Variants in AVEN observed in about 807,000 individuals in gnomAD.
AVEN encodes cell death regulator Aven.
Under a neutral mutation model 38.1 loss-of-function variants are expected in AVEN, and 41 were observed. That is an observed-to-expected ratio of 1.08 (90% CI 0.84 to 1.40). AVEN has a LOEUF of 1.40. Among genes scored for constraint, AVEN ranks in the 40% most tolerant of loss-of-function variants. The pLI is 0.00. For synonymous variants in AVEN, 206 were observed against 171.8 expected, an observed-to-expected ratio of 1.20 and a Z score of -1.56; for missense variants, 605 against 438.8, an observed-to-expected ratio of 1.38 and a Z score of -3.38.
At chr15:33,890,960 T>G (rs898189874) in intron 2 of AVEN, among the ~76,000 whole-genome samples, 1 of 152,048 alleles carries the variant, frequency 6.6e-6, no homozygotes, top group Non-Finnish European at 1.5e-5. Context: ...ATTTAAAGAA[T>G]TAGCGGAGCG....
chr15:33,954,023 T>C (rs1894855555), intron 2 of AVEN, among the ~76,000 whole-genome samples: 1 of 152,176 alleles, frequency 6.6e-6, no homozygotes, highest in South Asian at 2.1e-4. Flanking sequence ...AAAGAAGACA[T>C]TTATGCAGCC....
At chr15:33,936,788 T>A (rs1201725909) in intron 2 of AVEN, among the ~76,000 whole-genome samples, 1 of 152,188 alleles carries the variant, frequency 6.6e-6, no homozygotes, top group African/African-American at 2.4e-5. Context: ...CTTTAATAAT[T>A]AAGACCGTAC....
At chr15:33,885,701 T>C (rs924708920) in intron 2 of AVEN, 1 of 152,150 alleles carries the variant, frequency 6.6e-6, no homozygotes, top group Non-Finnish European at 1.5e-5. Flanking sequence ...ATCTTCCCAA[T>C]GCCATTAAAA....
At position 34,058,936 on chromosome 15, in the gene AVEN, G is replaced by T. The variant is rs896382544; in HGVS notation, n.1637+3986C>A. Reference sequence around the variant, plus strand: ...TTTTGAAACAGAGTCTCACTCTGTCGCCCAGGCTGGAATGCAGTGGCAAGA... The same window carrying T: ...TTTTGAAACAGAGTCTCACTCTGTCTCCCAGGCTGGAATGCAGTGGCAAGA... On this transcript the variant is annotated intron_variant and non_coding_transcript_variant, in intron 5 of 11. Coordinates refer to the AVEN transcript ENST00000675287. 2.0e-4 allele frequency among the ~76,000 whole-genome samples: 30 copies of T among 151,782 alleles called. 1 individual carries two copies. Among genetic ancestry groups the T allele is most frequent in the Non-Finnish European group, 5.9e-5 (4 of 67,946 alleles).
chr15:34,002,216 T>A (rs1466194592), intron 2 of AVEN, among the ~76,000 whole-genome samples: 1 of 152,176 alleles, frequency 6.6e-6, no homozygotes, highest in Non-Finnish European at 1.5e-5. Flanking sequence ...CTACACAATT[T>A]TATCACCTGC....
intron 3 of AVEN, among the ~76,000 whole-genome samples, chr15:33,875,501 T>C (rs1211632101): frequency 6.6e-6 from 1 of 152,188 alleles, no homozygotes; most frequent in African/African-American, 2.4e-5. Flanking sequence ...ATTCTCCTAA[T>C]TGTAGGAGAA....
At chr15:33,854,640 C>A, downstream of AVEN, 1 of 1,282,078 alleles carries the variant, frequency 7.8e-7, no homozygotes, top group Non-Finnish European at 1.1e-6. Context: ...CTTGGGCCAG[C>A]TCACAGCACC....
intron 2 of AVEN, among the ~76,000 whole-genome samples, chr15:33,986,331 G>A (rs1280049261): frequency 7.9e-5 from 12 of 151,828 alleles, no homozygotes; most frequent in African/African-American, 2.7e-4. Flanking sequence ...GGATGGTCTC[G>A]ATCTCCTGAC....
chr15:33,872,259 G>C (rs1357929026), intron 3 of AVEN, among the ~76,000 whole-genome samples: 4 of 152,206 alleles, frequency 2.6e-5, no homozygotes, highest in Non-Finnish European at 5.9e-5. Flanking sequence ...GAATCTGCAA[G>C]CCTGAAGCTT....
chr15:33,881,638 A>G (rs986283993), intron 2 of AVEN, among the ~76,000 whole-genome samples: 6 of 152,242 alleles, frequency 3.9e-5, no homozygotes, highest in African/African-American at 1.4e-4. Flanking sequence ...TAGAAAACAT[A>G]TTACCAAAAT....
chr15:33,963,522 C>T (rs893516723), intron 2 of AVEN, among the ~76,000 whole-genome samples: 2 of 152,116 alleles, frequency 1.3e-5, no homozygotes, highest in African/African-American at 4.8e-5. Flanking sequence ...CCCAGCCGGG[C>T]GCGGTGGCTC....
intron 2 of AVEN, among the ~76,000 whole-genome samples, chr15:33,985,809 T>C (rs1313778649): frequency 6.6e-6 from 1 of 152,152 alleles, no homozygotes; most frequent in Non-Finnish European, 1.5e-5. Flanking sequence ...CTTTTTAAGC[T>C]TCATTCTATT....
intron 2 of AVEN, among the ~76,000 whole-genome samples, chr15:33,938,806 A>G (rs1894200103): frequency 1.3e-5 from 2 of 152,218 alleles, no homozygotes; most frequent in African/African-American, 2.4e-5. Flanking sequence ...CCAAACCGAC[A>G]GGATCAGATA....
At position 34,039,032 on chromosome 15, in the gene AVEN, T is replaced by G. The variant is rs1457131024; in HGVS notation, c.15A>C (p.Arg5=). 1.3e-4 allele frequency: 141 copies of G among 1,116,044 alleles called. No individual in the cohort carries two copies. The highest frequency in any genetic ancestry group is 3.9e-4 in the East Asian group (7 of 17,778). The allele number at this position is 1,116,044 out of a possible 1,614,324, so 69.1% of individuals were successfully genotyped here. A position where few individuals can be genotyped will look rare whatever the true frequency, so the allele number is the denominator to read the frequency against. ...GCCGCCCACGGCCTCCCCGAGCTCCTCGCTCCGCCTGCATCTGGCCGCCGC... is the reference window on the plus strand; with the variant it reads ...GCCGCCCACGGCCTCCCCGAGCTCCGCGCTCCGCCTGCATCTGGCCGCCGC... MQAE[R]GARGGRGRRP... The change falls in exon 1 of 6, where the codon CGA becomes CGC. Residue 5 remains arginine (R), a synonymous_variant. Coordinates refer to ENST00000306730, the MANE Select transcript of AVEN (RefSeq NM_020371.3).
chr15:33,930,682 G>A (rs749006629), intron 2 of AVEN, among the ~76,000 whole-genome samples: 4 of 152,160 alleles, frequency 2.6e-5, no homozygotes, highest in African/African-American at 9.7e-5. Context: ...CTGGCCGGGC[G>A]CGGTGGCTCA....
chr15:34,070,637 C>T (rs899503867), exon 2 of AVEN, among the ~76,000 whole-genome samples: 1 of 152,098 alleles, frequency 6.6e-6, no homozygotes, highest in Non-Finnish European at 1.5e-5. Context: ...CTCCATTGAG[C>T]TAAGGATGTG....
At chr15:33,954,418 A>G (rs1404414424) in intron 2 of AVEN, among the ~76,000 whole-genome samples, 1 of 152,190 alleles carries the variant, frequency 6.6e-6, no homozygotes, top group African/African-American at 2.4e-5. Context: ...TCCATCAATG[A>G]TAGACTGGAT....
chr15:33,924,569 G>T (rs1036266989), intron 2 of AVEN, among the ~76,000 whole-genome samples: 1 of 152,040 alleles, frequency 6.6e-6, no homozygotes, highest in African/African-American at 2.4e-5. Flanking sequence ...CCATCCACCT[G>T]CCACAGCCTC....
intron 2 of AVEN, among the ~76,000 whole-genome samples, chr15:33,980,881 A>AG (rs1300886571): frequency 6.6e-6 from 1 of 152,226 alleles, no homozygotes; most frequent in Non-Finnish European, 1.5e-5. Context: ...GAAAAAATAC[A>AG]GCTAAATGTA....
Sources: allele counts gnomAD v4.1 joint callset (sites outside exome capture counted in the v4.1 genomes callset), GRCh38; gene constraint gnomAD v4.1.1; transcripts MANE v1.5; gene names NCBI Gene and HGNC (gene_info 2026-07-23, HGNC 2026-07-21).